GTF2E2: variants seen among roughly 807,000 people sequenced by gnomAD.
GTF2E2 encodes general transcription factor IIE subunit 2, also known as transcription initiation factor IIE subunit beta.
A neutral mutation model predicts 40.5 loss-of-function variants in GTF2E2; 21 were observed. That is an observed-to-expected ratio of 0.52 (90% CI 0.37 to 0.75). The LOEUF is 0.75. GTF2E2 is among the 30% of genes least tolerant of loss of function. The probability of loss-of-function intolerance (pLI) is 0.00; values close to 1 mark genes in which losing one functional copy is unlikely to be tolerated. For synonymous variants in GTF2E2, 117 were observed against 121.6 expected (o/e 0.96, Z 0.25); for missense variants, 298 against 338.4 (o/e 0.88, Z 0.94).
intron 2 of GTF2E2, chr8:30,645,452 C>CT (rs1802032936): frequency 6.5e-7 from 1 of 1,535,538 alleles, no homozygotes; most frequent in African/African-American, 1.4e-5. Flanking sequence ...ACAGTGGTAT[C>CT]TTTAGTGGTG....
chr8:30,600,549 T>C (rs1364539547), intron 6 of GTF2E2, among the ~76,000 whole-genome samples: 1 of 152,156 alleles, frequency 6.6e-6, no homozygotes, highest in South Asian at 2.1e-4. Context: ...AGTAAGGGAC[T>C]GAGCTAAGAT....
At chr8:30,620,715 AGT>A (rs1801069189) in intron 3 of GTF2E2, among the ~76,000 whole-genome samples, 1 of 7,782 alleles carries the variant, frequency 1.3e-4, no homozygotes, top group African/African-American at 2.7e-3. Flanking sequence ...ACCTGAGTTC[AGT>A]AAGTAGTTCA....
At chr8:30,652,694 ATCTACT>A (rs1325903713) in intron 2 of GTF2E2, among the ~76,000 whole-genome samples, 2 of 152,212 alleles carry the variant, frequency 1.3e-5, no homozygotes, top group African/African-American at 4.8e-5. Context: ...TGACCCAGAA[ATCTACT>A]TCTAGGTCTC....
chr8:30,646,588 G>GTT (rs1294847696), intron 2 of GTF2E2, among the ~76,000 whole-genome samples: 2 of 151,968 alleles, frequency 1.3e-5, no homozygotes, highest in Non-Finnish European at 2.9e-5. Context: ...CAAGCTCAAG[G>GTT]TACAAAGATT....
intron 3 of GTF2E2, among the ~76,000 whole-genome samples, chr8:30,625,853 C>G (rs976165312): frequency 1.3e-5 from 2 of 152,212 alleles, no homozygotes; most frequent in Non-Finnish European, 2.9e-5. Context: ...CCCGCCTCAG[C>G]CTCCCAAAGT....
At chr8:30,636,973 T>C in intron 2 of GTF2E2, 1 of 440,000 alleles carries the variant, frequency 2.3e-6, no homozygotes, top group South Asian at 1.6e-5. Context: ...GTAATAAAAG[T>C]AACCAATATT....
At chr8:30,649,937 C>A (rs1468267042) in intron 2 of GTF2E2, among the ~76,000 whole-genome samples, 1 of 152,100 alleles carries the variant, frequency 6.6e-6, no homozygotes, top group Non-Finnish European at 1.5e-5. Flanking sequence ...TCTGAGTAAA[C>A]TGAAAAGAAA....
intron 6 of GTF2E2, among the ~76,000 whole-genome samples, chr8:30,594,825 C>G (rs112342197): frequency 1.5e-4 from 23 of 151,238 alleles, no homozygotes; most frequent in African/African-American, 5.3e-4. Context: ...CCACTGCACT[C>G]CAGCCTGGGC....
chr8:30,584,786 C>CA (rs1362901811), intron 6 of GTF2E2: 1 of 152,236 alleles, frequency 6.6e-6, no homozygotes. Flanking sequence ...GTGCAGGCCT[C>CA]AGAGCCAGAT....
At chr8:30,643,153 T>C (rs553608706) in intron 2 of GTF2E2, among the ~76,000 whole-genome samples, 1 of 152,046 alleles carries the variant, frequency 6.6e-6, no homozygotes, top group Non-Finnish European at 1.5e-5. Context: ...AACAAAAAAA[T>C]TTAAGGAATT....
intron 2 of GTF2E2, among the ~76,000 whole-genome samples, chr8:30,635,933 A>T (rs962714147): frequency 6.6e-6 from 1 of 152,208 alleles, no homozygotes; most frequent in African/African-American, 2.4e-5. Context: ...CAATTATTTT[A>T]AAGTAAACTT....
intron 2 of GTF2E2, among the ~76,000 whole-genome samples, chr8:30,650,801 G>A (rs1425232186): frequency 1.3e-5 from 2 of 152,078 alleles, no homozygotes; most frequent in Non-Finnish European, 1.5e-5. Context: ...GGATCACAAG[G>A]TCAGGAGATC....
intron 6 of GTF2E2, among the ~76,000 whole-genome samples, chr8:30,581,235 C>T (rs994271746): frequency 6.6e-6 from 1 of 152,180 alleles, no homozygotes; most frequent in Non-Finnish European, 1.5e-5. Context: ...GCCTCACACT[C>T]ACAACTGCCC....
chr8:30,625,198 T>C (rs977925776), intron 3 of GTF2E2, among the ~76,000 whole-genome samples: 50 of 152,152 alleles, frequency 3.3e-4, no homozygotes, highest in African/African-American at 1.2e-3. Context: ...ACCTAATTTA[T>C]TGAGGGTTTT....
At chr8:30,642,184 G>A (rs985540179) in intron 2 of GTF2E2, among the ~76,000 whole-genome samples, 10 of 150,908 alleles carry the variant, frequency 6.6e-5, no homozygotes, top group Admixed American at 2.0e-4. Flanking sequence ...TTAGGCTAAC[G>A]TTTTGTATTA....
intron 3 of GTF2E2, among the ~76,000 whole-genome samples, chr8:30,615,352 T>C (rs1800888881): frequency 6.6e-6 from 1 of 151,878 alleles, no homozygotes. Context: ...ACCTTAAACA[T>C]AGGAAAAGAC....
Position 30,648,262 on chromosome 8 carries a change from ATAAT to A in GTF2E2, c.166+5167_166+5170del, listed in dbSNP as rs745349571. On this transcript the variant is annotated intron_variant, in intron 2 of 7. Transcript: ENST00000355904. Reference sequence around the variant, plus strand: ...AACAGTATGATACCACACCTAAGAGATAATTAGAGGCCAGATGAGGCAGGCACGC... The same window carrying A: ...AACAGTATGATACCACACCTAAGAGATAGAGGCCAGATGAGGCAGGCACGC... Among the ~76,000 whole-genome samples the A allele has an allele frequency of 1.0e-3, 156 of 152,348 alleles. 1 individual carries two copies. Among genetic ancestry groups the A allele is most frequent in the Admixed American group, 2.2e-3 (34 of 15,304 alleles).
At chr8:30,618,475 C>T (rs1800989972) in intron 3 of GTF2E2, among the ~76,000 whole-genome samples, 2 of 151,988 alleles carry the variant, frequency 1.3e-5, no homozygotes, top group Non-Finnish European at 2.9e-5. Context: ...GACAAAGGGC[C>T]CAGCATGCAT....
At chr8:30,624,127 G>C (rs1185795655) in intron 3 of GTF2E2, among the ~76,000 whole-genome samples, 4 of 152,074 alleles carry the variant, frequency 2.6e-5, no homozygotes, top group African/African-American at 9.7e-5. Flanking sequence ...TTTTCTTCTA[G>C]GGTTTTTATG....
Sources: allele counts gnomAD v4.1 joint callset (sites outside exome capture counted in the v4.1 genomes callset), GRCh38; gene constraint gnomAD v4.1.1; transcripts MANE v1.5; gene names NCBI Gene and HGNC (gene_info 2026-07-23, HGNC 2026-07-21).